Variants in LITAF observed in about 807,000 individuals in gnomAD.
LITAF encodes lipopolysaccharide-induced tumor necrosis factor-alpha factor.
Under a neutral mutation model 14.5 loss-of-function variants are expected in LITAF, and 9 were observed. The ratio of observed to expected loss-of-function variants is 0.62; its 90% CI spans 0.37 to 1.08. The LOEUF is 1.08. Ranked by LOEUF, LITAF falls within the 50% of genes least tolerant of loss-of-function variation. The probability of loss-of-function intolerance (pLI) is 0.01; values close to 1 mark genes in which losing one functional copy is unlikely to be tolerated. For missense variants in LITAF, 206 were observed against 213.4 expected, an observed-to-expected ratio of 0.97 and a Z score of 0.22; for synonymous variants, 98 against 88.2, an observed-to-expected ratio of 1.11 and a Z score of -0.62.
chr16:11,585,105 G>T (rs990872238), intron 1 of LITAF, among the ~76,000 whole-genome samples: 1 of 152,036 alleles, frequency 6.6e-6, no homozygotes, highest in African/African-American at 2.4e-5. Context: ...CTACTTGGGA[G>T]GTTGAGACAC....
At position 11,574,044 on chromosome 16, in the gene LITAF, C is replaced by T. The variant is rs547060624; in HGVS notation, c.-6+12842G>A. Among the ~76,000 whole-genome samples the T allele has an allele frequency of 8.3e-5, 12 of 144,678 alleles. No homozygotes were observed. In the East Asian group the frequency reaches 2.5e-3, roughly 31 times the overall value. 94.9% of individuals were successfully genotyped at this position (144,678 alleles called of 152,430 possible). ...TTGTTGTTGTTTTTAAAGACAGGTT[C>T]TCACTGGGTTTTTTAAAGACAGGTT... On this transcript the variant is annotated intron_variant, in intron 1 of 3. Coordinates refer to ENST00000622633, the MANE Select transcript of LITAF (RefSeq NM_001136472.2).
At chr16:11,619,569 TTTTTG>T (rs1162219951) in intron 3 of LITAF, among the ~76,000 whole-genome samples, 1 of 150,468 alleles carries the variant, frequency 6.6e-6, no homozygotes. Flanking sequence ...TCCCACTTTG[TTTTTG>T]TTTTTTTTTT....
upstream of LITAF, among the ~76,000 whole-genome samples, chr16:11,636,829 C>T (rs576243807): frequency 1.3e-5 from 2 of 151,952 alleles, no homozygotes; most frequent in African/African-American, 2.4e-5. Flanking sequence ...GAAATTCCAC[C>T]GAGGACTCTG....
intron 3 of LITAF, among the ~76,000 whole-genome samples, chr16:11,615,276 C>A (rs1436771118): frequency 1.3e-5 from 2 of 152,202 alleles, no homozygotes; most frequent in East Asian, 1.9e-4. Context: ...GTGGCTCACG[C>A]CTGTAATCCC....
At chr16:11,583,364 T>C (rs937349598) in intron 1 of LITAF, among the ~76,000 whole-genome samples, 3 of 152,222 alleles carry the variant, frequency 2.0e-5, no homozygotes, top group Admixed American at 2.0e-4. Context: ...GAGTGGGCAG[T>C]TTTCCTCTGG....
chr16:11,612,744 C>T (rs933803182), intron 3 of LITAF, among the ~76,000 whole-genome samples: 3 of 152,190 alleles, frequency 2.0e-5, no homozygotes, highest in Non-Finnish European at 4.4e-5. Context: ...TTGAGAAGGG[C>T]GGAGGGACGA....
Position 11,568,686 on chromosome 16 carries a change from T to TTG in LITAF, c.-5-11952_-5-11951insCA, listed in dbSNP as rs1555468734. On this transcript the variant is annotated intron_variant, in intron 1 of 3. Coordinates refer to ENST00000622633, the MANE Select transcript of LITAF (RefSeq NM_001136472.2). ...AGGTACACCCTTGTTTTTTTTTGTT[T>TTG]TTTTTTTTTTTGAGATAGAGTCTCA... Among the ~76,000 whole-genome samples, 8 of 149,500 alleles carry TTG rather than the reference T, an allele frequency of 5.4e-5. 1 individual carries two copies. Among genetic ancestry groups the TTG allele is most frequent in the Non-Finnish European group, 1.2e-4 (8 of 67,002 alleles).
intron 2 of LITAF, chr16:11,556,157 C>T (rs1002869499): frequency 2.3e-6 from 1 of 427,178 alleles, no homozygotes; most frequent in Non-Finnish European, 4.1e-6. Context: ...CTACCTCGGC[C>T]CTGGCCTCAG....
At chr16:11,585,052 G>A (rs2064787261) in intron 1 of LITAF, among the ~76,000 whole-genome samples, 1 of 151,884 alleles carries the variant, frequency 6.6e-6, no homozygotes, top group Non-Finnish European at 1.5e-5. Flanking sequence ...TACTAAAAAT[G>A]CAAAAATTAC....
intron 3 of LITAF, among the ~76,000 whole-genome samples, chr16:11,631,316 G>C (rs947470089): frequency 2.6e-4 from 40 of 152,170 alleles, no homozygotes; most frequent in African/African-American, 9.2e-4. Flanking sequence ...GAGGATCTAG[G>C]GAGGGTCCTC....
intron 1 of LITAF, among the ~76,000 whole-genome samples, chr16:11,594,822 G>A (rs1229083394): frequency 6.6e-6 from 1 of 151,746 alleles, no homozygotes; most frequent in African/African-American, 2.4e-5. Flanking sequence ...GCTGCAGTGA[G>A]CCAAGATCAT....
chr16:11,606,534 G>A (rs9806899), intron 3 of LITAF, among the ~76,000 whole-genome samples: 4,834 of 152,228 alleles, frequency 0.032, 247 homozygotes, highest in African/African-American at 0.11. Flanking sequence ...CAGGCTTACT[G>A]CTGATATTAA....
chr16:11,624,685 C>A (rs1023939539), intron 3 of LITAF, among the ~76,000 whole-genome samples: 5 of 152,164 alleles, frequency 3.3e-5, no homozygotes, highest in Non-Finnish European at 7.3e-5. Flanking sequence ...AAATTTCCAA[C>A]AGACTGCAGT....
chr16:11,557,879 G>T (rs527894698), intron 1 of LITAF, among the ~76,000 whole-genome samples: 146 of 152,288 alleles, frequency 9.6e-4, no homozygotes, highest in African/African-American at 3.3e-3. Flanking sequence ...CTCCAGCCCT[G>T]GCAGAGCTGC....
rs187538883 is a variant in LITAF, at chr16:11,548,407, T to C, written c.*1230A>G. The C allele has an allele frequency of 5.2e-4, 236 of 454,020 alleles. No homozygotes were observed. The highest frequency in any genetic ancestry group is 4.4e-3 in the African/African-American group (222 of 50,090). The allele number at this position is 454,020 out of a possible 1,614,324, so 28.1% of individuals were successfully genotyped here. A position where few individuals can be genotyped will look rare whatever the true frequency, so the allele number is the denominator to read the frequency against. On this transcript the variant is annotated 3_prime_UTR_variant, in exon 4 of 4. Transcript: ENST00000622633. Reference sequence around the variant, plus strand: ...ACTTTAGATTCCTCTGAAACAGTTCTGGTTCCCAAGCATCCGCACCATGGT... The same window carrying C: ...ACTTTAGATTCCTCTGAAACAGTTCCGGTTCCCAAGCATCCGCACCATGGT...
intron 1 of LITAF, among the ~76,000 whole-genome samples, chr16:11,574,461 G>T (rs967014856): frequency 6.6e-6 from 1 of 152,108 alleles, no homozygotes; most frequent in African/African-American, 2.4e-5. Flanking sequence ...GACAAACACT[G>T]GTCACTTTTA....
chr16:11,571,409 G>A (rs1277691712), intron 1 of LITAF, among the ~76,000 whole-genome samples: 1 of 152,152 alleles, frequency 6.6e-6, no homozygotes, highest in Non-Finnish European at 1.5e-5. Flanking sequence ...GCAGACTTCA[G>A]GCTCCAGAAC....
chr16:11,575,751 A>G (rs1158674196), intron 1 of LITAF, among the ~76,000 whole-genome samples: 3 of 152,148 alleles, frequency 2.0e-5, no homozygotes, highest in East Asian at 1.9e-4. Flanking sequence ...GAACACAAAA[A>G]ACCAAGTTGA....
intron 1 of LITAF, among the ~76,000 whole-genome samples, chr16:11,560,582 C>CAA (rs57634636): frequency 0.027 from 3,182 of 118,870 alleles, 59 homozygotes; most frequent in African/African-American, 0.073. Flanking sequence ...GATTCCATCT[C>CAA]AAAAAAAAAA....
Sources: gnomAD v4.1 joint callset for allele counts (sites outside exome capture counted in the v4.1 genomes callset) on GRCh38, gnomAD v4.1.1 for gene constraint, MANE v1.5 for transcripts, NCBI Gene and HGNC (gene_info 2026-07-23, HGNC 2026-07-21) for gene names.